The following TAGAP variants were observed in gnomAD, a reference collection of about 807,000 sequenced individuals.
The protein encoded by TAGAP is T cell activation RhoGTPase activating protein.
In TAGAP, 16 loss-of-function variants were observed where a neutral mutation model predicts 36.0. The ratio of observed to expected loss-of-function variants is 0.44; its 90% CI spans 0.30 to 0.68. The LOEUF (loss-of-function observed/expected upper bound fraction) is 0.68. Among genes scored for constraint, TAGAP ranks in the 30% least tolerant of loss-of-function variants. The pLI, the probability that TAGAP is intolerant of heterozygous loss-of-function variation, is 0.09. For missense variants in TAGAP, 794 were observed against 921.5 expected, an observed-to-expected ratio of 0.86 and a Z score of 1.79; for synonymous variants, 372 against 377.4, an observed-to-expected ratio of 0.99 and a Z score of 0.17.
intron 7 of TAGAP, among the ~76,000 whole-genome samples, chr6:159,039,867 C>T (rs1779686231): frequency 6.6e-6 from 1 of 152,166 alleles, no homozygotes; most frequent in Non-Finnish European, 1.5e-5. Flanking sequence ...AGAAATTAGA[C>T]TTCTTAAAGT....
At position 159,040,838 on chromosome 6, in the gene TAGAP, G is replaced by A. The variant is rs1453383514; in HGVS notation, c.478-6C>T. On this transcript the variant is annotated splice_region_variant and splice_polypyrimidine_tract_variant and intron_variant, in intron 6 of 9. Coordinates refer to ENST00000367066, the MANE Select transcript of TAGAP (RefSeq NM_054114.5). ...GGGATACTTCTGAGGAAGTCCTGGG[G>A]GATGAGAGTGGGCTGTTGGCCTATT... The A allele has an allele frequency of 2.5e-6, 4 of 1,609,918 alleles. No homozygotes were observed. Among genetic ancestry groups the A allele is most frequent in the Non-Finnish European group, 3.4e-6 (4 of 1,176,320 alleles).
At position 159,037,250 on chromosome 6, in the gene TAGAP, GAT is replaced by G; in HGVS notation, c.899-128_899-127del. Reference sequence around the variant, plus strand: ...TTTGTTGCCCAGGCTGGAGTGCAGTGATGTGATCTCGGCTCACTGCAACCTCT... The same window carrying G: ...TTTGTTGCCCAGGCTGGAGTGCAGTGGTGATCTCGGCTCACTGCAACCTCT... On this transcript the variant is annotated intron_variant, in intron 9 of 9. Transcript: ENST00000367066. This position sits in a 1 kb window ranked among gnomAD's most constrained non-coding sequence, Gnocchi z 5.1. The G allele has an allele frequency of 1.2e-6, 1 of 837,300 alleles. No homozygotes were observed. Among genetic ancestry groups the G allele is most frequent in the Non-Finnish European group, 1.7e-6 (1 of 588,398 alleles). The allele number at this position is 837,300 out of a possible 1,614,324, so 51.9% of individuals were successfully genotyped here.
chr6:159,042,328 T>C, intron 4 of TAGAP, 84 bp from the exon 5 acceptor site: 1 of 1,537,650 alleles, frequency 6.5e-7, no homozygotes, highest in Non-Finnish European at 8.7e-7. Context: ...TGGGTATCGT[T>C]GGCCGCATAA....
At position 159,040,634 on chromosome 6, in the gene TAGAP, G is replaced by C. The variant is rs1047392346; in HGVS notation, c.587+89C>G. ...TAAACATCACAATTCTCATGGAACA[G>C]GGATCATGAAGCATTTAGAAAGCTG... On this transcript the variant is annotated intron_variant, in intron 7 of 9. Transcript: ENST00000367066. 1.3e-5 allele frequency: 14 copies of C among 1,072,332 alleles called. No homozygotes were observed. The African/African-American group carries it at 2.0e-4, about 15-fold the overall frequency. 66.4% of individuals were successfully genotyped at this position (1,072,332 alleles called of 1,614,324 possible). A position where few individuals can be genotyped will look rare whatever the true frequency, so the allele number is the denominator to read the frequency against.
intron 8 of TAGAP, among the ~76,000 whole-genome samples, chr6:159,038,679 C>T (rs751829940): frequency 9.9e-5 from 15 of 152,114 alleles, no homozygotes; most frequent in African/African-American, 9.7e-5. Context: ...CGTGAGCCAC[C>T]ATGCCAACAA....
At position 159,035,734 on chromosome 6, in the gene TAGAP, T is replaced by G. The variant is rs1779502279; in HGVS notation, c.*93A>C. ...TTCCACAACTTTCTCAAGGAGCTTA[T>G]TCAAGACCTTTTAAAAACAATCTAC... On this transcript the variant is annotated 3_prime_UTR_variant, in exon 10 of 10. Transcript: ENST00000367066. The G allele has an allele frequency of 3.7e-6, 5 of 1,341,130 alleles. No homozygotes were observed. Among genetic ancestry groups the G allele is most frequent in the Middle Eastern group, 1.9e-4 (1 of 5,296 alleles). 83.1% of individuals were successfully genotyped at this position (1,341,130 alleles called of 1,614,324 possible). A position where few individuals can be genotyped will look rare whatever the true frequency, so the allele number is the denominator to read the frequency against.
Position 159,037,378 on chromosome 6 carries a change from G to A in TAGAP, c.899-254C>T, listed in dbSNP as rs748178554. On this transcript the variant is annotated intron_variant, in intron 9 of 9. Coordinates refer to ENST00000367066, the MANE Select transcript of TAGAP (RefSeq NM_054114.5). The surrounding 1 kb of genome is among the most constrained non-coding windows in gnomAD (Gnocchi z 5.1). Reference sequence around the variant, plus strand: ...TATTTTTTCTATTTTTAGTAGAGACGGGGTTTCACCATGTTGGCTAGGCTG... The same window carrying A: ...TATTTTTTCTATTTTTAGTAGAGACAGGGTTTCACCATGTTGGCTAGGCTG... Among the ~76,000 whole-genome samples, 16 of 151,992 alleles carry A rather than the reference G, an allele frequency of 1.1e-4. No homozygotes were observed. The highest frequency in any genetic ancestry group is 2.1e-4 in the South Asian group (1 of 4,810).
chr6:159,036,750 C>G lies in TAGAP; in HGVS notation c.1273G>C (p.Glu425Gln). 1 of 1,614,170 alleles carries G rather than the reference C, an allele frequency of 6.2e-7. No individual in the cohort carries two copies. The highest frequency in any genetic ancestry group is 8.5e-7 in the Non-Finnish European group (1 of 1,180,020). The change falls in exon 10 of 10, where the codon GAG (glutamate) becomes CAG (glutamine). Residue 425 changes from glutamate (E) to glutamine (Q), a missense_variant. By Grantham distance (29) the Glu-to-Gln change is conservative. Coordinates refer to ENST00000367066, the MANE Select transcript of TAGAP (RefSeq NM_054114.5). The surrounding 1 kb of genome is among the most constrained non-coding windows in gnomAD (Gnocchi z 4.9). The stretch of plus-strand genomic sequence containing the variant: ...TTGCCTTGCACTGCAGGGAAGACCT[C>G]CTCTGGAAATGGGTCTTCAGCCTCC... ...SEEAEDPFPE[E>Q]VFPAVQGKTK... is the part of the protein sequence containing the mutation.
In TAGAP at chr6:159,035,648, G is replaced by T. The variant is rs1028492380; in HGVS notation, c.*179C>A. ...ATTTTTACATATTGCACAAATCCAG[G>T]TACACAGAGACTATCTGATGCGCCA... On this transcript the variant is annotated 3_prime_UTR_variant, in exon 10 of 10. Coordinates refer to ENST00000367066, the MANE Select transcript of TAGAP (RefSeq NM_054114.5). 18 of 586,284 alleles carry T rather than the reference G, an allele frequency of 3.1e-5. No individual in the cohort carries two copies. The highest frequency in any genetic ancestry group is 5.0e-5 in the Non-Finnish European group (17 of 338,166). 36.3% of individuals were successfully genotyped at this position (586,284 alleles called of 1,614,324 possible).
At chr6:159,042,017 C>A in intron 5 of TAGAP, 61 bp downstream of exon 5, 1 of 1,532,988 alleles carries the variant, frequency 6.5e-7, no homozygotes, top group Non-Finnish European at 8.9e-7. Context: ...TTCAGATTTC[C>A]CGAGTATTTT....
Position 159,041,864 on chromosome 6 carries a change from C to T in TAGAP, c.315+214G>A, listed in dbSNP as rs16889420. The T allele has an allele frequency of 0.09, 54,386 of 604,790 alleles. 5,141 individuals are homozygous for T. The highest frequency in any genetic ancestry group is 0.38 in the African/African-American group (20,638 of 54,204). The allele number at this position is 604,790 out of a possible 1,614,324, so 37.5% of individuals were successfully genotyped here. ...GGAATGGCGGGACCATAGCTCTGAG[C>T]TCATTGGCAAATACAACTAATTTCA... is the stretch of plus-strand genomic sequence containing the variant. On this transcript the variant is annotated intron_variant, in intron 5 of 9. Coordinates refer to ENST00000367066, the MANE Select transcript of TAGAP (RefSeq NM_054114.5). This position sits in a 1 kb window ranked among gnomAD's most constrained non-coding sequence, Gnocchi z 4.1.
intron 3 of TAGAP, 72 bp downstream of exon 3, chr6:159,043,906 A>T: frequency 7.3e-7 from 1 of 1,371,982 alleles, no homozygotes; most frequent in Non-Finnish European, 1.0e-6. Context: ...CAACCCAAAT[A>T]ATATTCAATT....
At chr6:159,038,950 A>T (rs562628501) in intron 8 of TAGAP, 164 bp downstream of exon 8, 2 of 1,462,528 alleles carry the variant, frequency 1.4e-6, no homozygotes, top group African/African-American at 1.4e-5. Flanking sequence ...CATTAGATAC[A>T]TGTATCTGAG....
In TAGAP at chr6:159,042,461, C is replaced by T. The variant is rs62431903; in HGVS notation, c.149-217G>A. ...CACACTGTTACCAGGGCAACCAGTT[C>T]CCTAAACAGCAACACCAGAGTTCCT... On this transcript the variant is annotated intron_variant, in intron 4 of 9. Transcript: ENST00000367066. 4.6e-3 allele frequency: 4,552 copies of T among 980,014 alleles called. 16 individuals carry two copies. Among genetic ancestry groups the T allele is most frequent in the Non-Finnish European group, 5.9e-3 (4,218 of 714,622 alleles). 60.7% of individuals were successfully genotyped at this position (980,014 alleles called of 1,614,324 possible). A position where few individuals can be genotyped will look rare whatever the true frequency, so the allele number is the denominator to read the frequency against.
At position 159,036,475 on chromosome 6, in the gene TAGAP, G is replaced by C; in HGVS notation, c.1548C>G (p.His516Gln). 11 of 1,614,082 alleles carry C rather than the reference G, an allele frequency of 6.8e-6. No homozygotes were observed. The highest frequency in any genetic ancestry group is 1.3e-5 in the African/African-American group (1 of 75,028). Reference sequence around the variant, plus strand: ...TGAGGTTTTTGGTCAGCACTTTTTTGTGAGGGGCAAAGGTGAAAGACATGG... The same window carrying C: ...TGAGGTTTTTGGTCAGCACTTTTTTCTGAGGGGCAAAGGTGAAAGACATGG... ...KHSMSFTFAP[H>Q]KKVLTKNLSA... The change falls in exon 10 of 10, where the codon CAC becomes CAG. Residue 516 changes from histidine to glutamine, a missense_variant. By Grantham distance (24) the His-to-Gln change is conservative. Transcript: ENST00000367066. This position sits in a 1 kb window ranked among gnomAD's most constrained non-coding sequence, Gnocchi z 4.9.
chr6:159,038,482 G>A (rs866238810), intron 8 of TAGAP, among the ~76,000 whole-genome samples: 33 of 151,220 alleles, frequency 2.2e-4, no homozygotes, highest in Middle Eastern at 6.8e-3. Flanking sequence ...TCTGCCTCCC[G>A]GGCTCAAGCG....
chr6:159,041,546 G>A lies in TAGAP; in HGVS notation c.316-31C>T. 1 of 1,600,912 alleles carries A rather than the reference G, an allele frequency of 6.2e-7. No homozygotes were observed. Among genetic ancestry groups the A allele is most frequent in the Non-Finnish European group, 8.5e-7 (1 of 1,174,184 alleles). On this transcript the variant is annotated intron_variant, in intron 5 of 9. Transcript: ENST00000367066. The surrounding 1 kb of genome is among the most constrained non-coding windows in gnomAD (Gnocchi z 4.1). Reference sequence around the variant, plus strand: ...GGAAACAGCAATAGGAACAGGAAAGGGTTACCCTTCTTCTTTAGTATACTG... The same window carrying A: ...GGAAACAGCAATAGGAACAGGAAAGAGTTACCCTTCTTCTTTAGTATACTG...
Position 159,041,643 on chromosome 6 carries a change from C to T in TAGAP, c.316-128G>A. ...AGTTGCTGTCAATGGCCTTCCTCAA[C>T]CCTGCTATTTTTCTAAGAGGAGGCA... is the stretch of plus-strand genomic sequence containing the variant. On this transcript the variant is annotated intron_variant, in intron 5 of 9. Coordinates refer to ENST00000367066, the MANE Select transcript of TAGAP (RefSeq NM_054114.5). The surrounding 1 kb of genome is among the most constrained non-coding windows in gnomAD (Gnocchi z 4.1). 9.1e-7 allele frequency: 1 copy of T among 1,094,178 alleles called. No individual in the cohort carries two copies. Among genetic ancestry groups the T allele is most frequent in the East Asian group, 2.7e-5 (1 of 36,910 alleles). The allele number at this position is 1,094,178 out of a possible 1,614,324, so 67.8% of individuals were successfully genotyped here.
chr6:159,044,557 C>CT (rs962976344), intron 1 of TAGAP, among the ~76,000 whole-genome samples: 4 of 151,774 alleles, frequency 2.6e-5, no homozygotes, highest in Admixed American at 6.6e-5. Context: ...TGAACATTAA[C>CT]TTTTTTGGTG....
Sources: allele counts gnomAD v4.1 joint callset (sites outside exome capture counted in the v4.1 genomes callset), GRCh38; gene constraint gnomAD v4.1.1; non-coding constraint Gnocchi (gnomAD v3.1); transcripts MANE v1.5; gene names NCBI Gene and HGNC (gene_info 2026-07-23, HGNC 2026-07-21).